CCDC93: variants seen among roughly 807,000 people sequenced by gnomAD.
The protein encoded by CCDC93 is CCC complex scaffolding subunit CCDC93, also known as coiled-coil domain-containing protein 93.
CCDC93 carries 61 observed loss-of-function variants against 108.2 expected under a neutral mutation model. The ratio of observed to expected loss-of-function variants is 0.56; its 90% CI spans 0.46 to 0.70. The LOEUF is 0.70. Among genes scored for constraint, CCDC93 ranks in the 30% least tolerant of loss-of-function variants. The pLI is 0.00. For missense variants in CCDC93, 685 were observed against 764.2 expected (o/e 0.90, Z 1.22); for synonymous variants, 276 against 260.4 (o/e 1.06, Z -0.58).
chr2:117,953,406 G>GT (rs1679120509), intron 12 of CCDC93, among the ~76,000 whole-genome samples: 1 of 152,150 alleles, frequency 6.6e-6, no homozygotes, highest in Non-Finnish European at 1.5e-5. Context: ...GTGGGTTCTG[G>GT]TGCCCCCCTT....
At chr2:117,972,193 T>C (rs1336550287) in intron 11 of CCDC93, among the ~76,000 whole-genome samples, 1 of 152,186 alleles carries the variant, frequency 6.6e-6, no homozygotes, top group Non-Finnish European at 1.5e-5. Flanking sequence ...CAAACCTGTG[T>C]TGATCAAGAA....
chr2:118,007,076 G>A (rs1265248230), intron 2 of CCDC93, among the ~76,000 whole-genome samples: 2 of 152,226 alleles, frequency 1.3e-5, no homozygotes, highest in Admixed American at 6.5e-5. Flanking sequence ...AGCCACATGT[G>A]GCTGCTGAGC....
chr2:117,964,633 C>T (rs764865152), intron 11 of CCDC93, among the ~76,000 whole-genome samples: 1 of 151,994 alleles, frequency 6.6e-6, no homozygotes, highest in South Asian at 2.1e-4. Context: ...GGGTCTCACT[C>T]TGTTGCCCAG....
At chr2:117,991,792 AT>A (rs1234671918) in intron 6 of CCDC93, among the ~76,000 whole-genome samples, 3 of 152,204 alleles carry the variant, frequency 2.0e-5, no homozygotes, top group African/African-American at 7.2e-5. Context: ...ACAACTTAAA[AT>A]TAAGGATTTC....
rs372086466 is a variant in CCDC93 at position 117,975,312 on chromosome 2, C to T, written c.658-32G>A. 100 of 1,498,736 alleles carry T rather than the reference C, an allele frequency of 6.7e-5. No individual in the cohort carries two copies. The Middle Eastern group carries it at 2.8e-3, about 41-fold the overall frequency. 92.8% of individuals were successfully genotyped at this position (1,498,736 alleles called of 1,614,324 possible). A position where few individuals can be genotyped will look rare whatever the true frequency, so the allele number is the denominator to read the frequency against. ...GGGAAGATGTGAAAACAGCTGAGCA[C>T]GGGAGATGGAGACTCAGTAGAGAAA... On this transcript the variant is annotated intron_variant, in intron 8 of 23. Transcript: ENST00000376300.
Position 117,971,130 on chromosome 2 carries a change from A to AG in CCDC93, c.888+2777dup, listed in dbSNP as rs1679746212. 3.3e-5 allele frequency among the ~76,000 whole-genome samples: 5 copies of AG among 152,362 alleles called. No homozygotes were observed. In the South Asian group the frequency reaches 1.0e-3, roughly 32 times the overall value. On this transcript the variant is annotated intron_variant, in intron 11 of 23. Transcript: ENST00000376300. ...GCAATCCCAGCACTTTGGGAGGCTG[A>AG]GGTGGGAGGATGGCTTGAGCCCAGG...
At chr2:117,923,123 A>G (rs990258041) in intron 23 of CCDC93, among the ~76,000 whole-genome samples, 4 of 152,168 alleles carry the variant, frequency 2.6e-5, no homozygotes, top group African/African-American at 4.8e-5. Flanking sequence ...AATATGCAGG[A>G]TTTTCAGGGG....
At chr2:117,982,021 A>G (rs1028620636) in intron 7 of CCDC93, among the ~76,000 whole-genome samples, 1 of 152,168 alleles carries the variant, frequency 6.6e-6, no homozygotes. Context: ...TTTTATGAGC[A>G]TGTCATAGGC....
In CCDC93 at chr2:117,970,033, C is replaced by T. The variant is rs184740472; in HGVS notation, c.888+3875G>A. Among the ~76,000 whole-genome samples, 108 of 152,250 alleles carry T rather than the reference C, an allele frequency of 7.1e-4. 1 individual carries two copies. Among genetic ancestry groups the T allele is most frequent in the Middle Eastern group, 3.4e-3 (1 of 294 alleles). ...CCCTCACTACAAGCAGCAATATACC[C>T]AACTTGTTCAACCACAGATATGTTC... is the stretch of plus-strand genomic sequence containing the variant. On this transcript the variant is annotated intron_variant, in intron 11 of 23. Transcript: ENST00000376300.
chr2:118,008,805 T>G (rs527563855), intron 1 of CCDC93, 147 bp from the exon 2 acceptor site: 1 of 611,692 alleles, frequency 1.6e-6, no homozygotes, highest in South Asian at 1.9e-5. Flanking sequence ...ATTCAGCAAG[T>G]GTCACACAGA....
intron 13 of CCDC93, chr2:117,950,275 T>C (rs373427813): frequency 2.2e-5 from 22 of 985,150 alleles, no homozygotes; most frequent in Middle Eastern, 1.0e-3. Flanking sequence ...GATGTATCAA[T>C]TCAACAAGTC....
chr2:117,974,105 T>C (rs1679855219), intron 10 of CCDC93, 111 bp from the exon 11 acceptor site: 2 of 761,086 alleles, frequency 2.6e-6, no homozygotes, highest in Admixed American at 4.1e-5. Flanking sequence ...AAACATAATA[T>C]TCCCAGGGGA....
chr2:117,973,594 G>A (rs751177066), intron 11 of CCDC93, among the ~76,000 whole-genome samples: 1 of 152,018 alleles, frequency 6.6e-6, no homozygotes, highest in Admixed American at 6.6e-5. Flanking sequence ...AGTTATAAGA[G>A]GCCTGATAGA....
intron 18 of CCDC93, among the ~76,000 whole-genome samples, chr2:117,941,611 G>A (rs777596881): frequency 2.6e-5 from 4 of 152,132 alleles, no homozygotes; most frequent in African/African-American, 4.8e-5. Flanking sequence ...GGCCCCCAAG[G>A]AGTCTAGAAT....
chr2:118,008,262 C>T (rs376956459), intron 2 of CCDC93, among the ~76,000 whole-genome samples: 111 of 152,318 alleles, frequency 7.3e-4, no homozygotes, highest in African/African-American at 2.5e-3. Context: ...GTTTTATAAT[C>T]CCCACCCAAA....
intron 18 of CCDC93, among the ~76,000 whole-genome samples, chr2:117,943,256 T>C (rs1165547101): frequency 6.6e-6 from 1 of 152,242 alleles, no homozygotes; most frequent in Non-Finnish European, 1.5e-5. Context: ...GTCCAGGAGA[T>C]GGGTCATCCT....
At chr2:117,931,372 A>AT (rs1254974319) in intron 22 of CCDC93, 1,286 of 399,932 alleles carry the variant, frequency 3.2e-3, no homozygotes, top group South Asian at 4.8e-3. Context: ...AACTGTTTCC[A>AT]TTTTTTTTTC....
At chr2:117,961,096 G>A (rs1298443446) in intron 11 of CCDC93, among the ~76,000 whole-genome samples, 1 of 151,534 alleles carries the variant, frequency 6.6e-6, no homozygotes, top group Non-Finnish European at 1.5e-5. Flanking sequence ...CCCACCCATG[G>A]GCTGGGACAG....
At chr2:117,953,866 C>T (rs769859836) in intron 12 of CCDC93, among the ~76,000 whole-genome samples, 11 of 151,908 alleles carry the variant, frequency 7.2e-5, no homozygotes, top group Non-Finnish European at 1.5e-4. Context: ...TGGACTCTAG[C>T]GTAGATGATG....
Sources: gnomAD v4.1 joint callset for allele counts (sites outside exome capture counted in the v4.1 genomes callset) on GRCh38, gnomAD v4.1.1 for gene constraint, MANE v1.5 for transcripts, NCBI Gene and HGNC (gene_info 2026-07-23, HGNC 2026-07-21) for gene names.